The following AGTPBP1 variants were observed in gnomAD, a reference collection of about 807,000 sequenced individuals.
The protein encoded by AGTPBP1 is ATP/GTP binding carboxypeptidase 1, also known as cytosolic carboxypeptidase 1.
Under a neutral mutation model 143.9 loss-of-function variants are expected in AGTPBP1, and 70 were observed. The ratio of observed to expected loss-of-function variants is 0.49; its 90% CI spans 0.40 to 0.59. The LOEUF (loss-of-function observed/expected upper bound fraction) is 0.59. Ranked by LOEUF, AGTPBP1 falls within the 20% of genes least tolerant of loss-of-function variation. The pLI, the probability that AGTPBP1 is intolerant of heterozygous loss-of-function variation, is 0.00. For missense variants in AGTPBP1, 1,229 were observed against 1,464.5 expected, an observed-to-expected ratio of 0.84 and a Z score of 2.62; for synonymous variants, 463 against 500.2, an observed-to-expected ratio of 0.93 and a Z score of 0.99.
In AGTPBP1 at chr9:85,632,720, C is replaced by T; in HGVS notation, c.1957G>A (p.Gly653Ser). The T allele has an allele frequency of 1.9e-6, 3 of 1,613,970 alleles. No homozygotes were observed. Among genetic ancestry groups the T allele is most frequent in the Non-Finnish European group, 2.5e-6 (3 of 1,179,944 alleles). Residue 653 changes from glycine (G) to serine (S), a missense_variant, in exon 14 of 26, where the codon GGT becomes AGT. Gly to Ser is a moderately conservative substitution (Grantham distance 56). Around this residue, in one of 2 missense-constraint regions of AGTPBP1, gnomAD observed 743 missense variants for 812.2 expected, o/e 0.91. Coordinates refer to ENST00000357081, the MANE Select transcript of AGTPBP1 (RefSeq NM_001330701.2). ...TCTTTGAATGGAGGCGGAATGTGAC[C>T]AAAATAATCGGGATAAGCCACCTCT... ...YSEVAYPDYFGHIPPPFKEPI... is the reference protein window; with the variant it reads ...YSEVAYPDYFSHIPPPFKEPI...
intron 8 of AGTPBP1, among the ~76,000 whole-genome samples, chr9:85,667,371 T>C (rs1834191885): frequency 1.3e-5 from 2 of 152,072 alleles, no homozygotes; most frequent in African/African-American, 2.4e-5. Flanking sequence ...TAAAGTCAAA[T>C]CAAATAGTTC....
the AGTPBP1 span, among the ~76,000 whole-genome samples, chr9:85,748,144 C>A: frequency 2.0e-5 from 3 of 152,228 alleles, no homozygotes; most frequent in Non-Finnish European, 4.4e-5. Context: ...ACCCACTTCA[C>A]AGCTCTTGAG....
intron 8 of AGTPBP1, among the ~76,000 whole-genome samples, chr9:85,665,855 A>G (rs898303636): frequency 6.6e-6 from 1 of 152,136 alleles, no homozygotes; most frequent in Admixed American, 6.6e-5. Flanking sequence ...TCATTTGTAA[A>G]TTTTTACCAA....
chr9:85,639,502 A>C (rs903819165), intron 13 of AGTPBP1, among the ~76,000 whole-genome samples: 2 of 152,220 alleles, frequency 1.3e-5, no homozygotes, highest in Admixed American at 1.3e-4. Context: ...AAGACACAGC[A>C]CTTTAAACAT....
At chr9:85,804,597 T>A in the AGTPBP1 span, among the ~76,000 whole-genome samples, 1 of 152,230 alleles carries the variant, frequency 6.6e-6, no homozygotes, top group Non-Finnish European at 1.5e-5. Context: ...TAATATTAGT[T>A]GAATCAGGGG....
At chr9:85,624,576 A>G (rs1002793086) in intron 14 of AGTPBP1, among the ~76,000 whole-genome samples, 8 of 152,170 alleles carry the variant, frequency 5.3e-5, no homozygotes, top group African/African-American at 1.7e-4. Context: ...CTATTGCCTC[A>G]ATTCCAGAAG....
chr9:85,698,413 AC>A (rs1337060153), intron 2 of AGTPBP1, among the ~76,000 whole-genome samples: 2 of 152,180 alleles, frequency 1.3e-5, no homozygotes, highest in Non-Finnish European at 2.9e-5. Flanking sequence ...GGAAAACGGA[AC>A]AAAATTATAT....
rs1410158232 is a variant in AGTPBP1, at chr9:85,575,330, C to T, written c.3488G>A (p.Ser1163Asn). The change falls in exon 25 of 26, where the codon AGC becomes AAC. Residue 1163 changes from serine to asparagine, a missense_variant. Physicochemically the swap from Ser to Asn is conservative, Grantham distance 46. Coordinates refer to ENST00000357081, the MANE Select transcript of AGTPBP1 (RefSeq NM_001330701.2). ...LDFENDLIESSCKVTSPTTYV... is the reference protein window; with the variant it reads ...LDFENDLIESNCKVTSPTTYV... ...TTTTTCCTACCTAGTTACTTTGCAG[C>T]TTGATTCAATTAAATCATTTTCAAA... 6.3e-7 allele frequency: 1 copy of T among 1,594,656 alleles called. No homozygotes were observed. Among genetic ancestry groups the T allele is most frequent in the Admixed American group, 1.8e-5 (1 of 55,142 alleles).
intron 1 of AGTPBP1, chr9:85,741,200 G>A (rs1824239986): frequency 4.1e-6 from 4 of 984,352 alleles, no homozygotes; most frequent in Non-Finnish European, 4.8e-6. Flanking sequence ...GTAAACAGAA[G>A]ACACACTTCA....
chr9:85,655,496 T>A (rs1178603281), intron 10 of AGTPBP1, among the ~76,000 whole-genome samples, 176 bp from the exon 11 acceptor site: 1 of 152,212 alleles, frequency 6.6e-6, no homozygotes, highest in Non-Finnish European at 1.5e-5. Flanking sequence ...ATTATCTATC[T>A]GTAAGTAAGA....
In AGTPBP1 at chr9:85,586,882, G is replaced by A. The variant is rs143027240; in HGVS notation, c.2982C>T (p.Tyr994=). 1 of 1,613,980 alleles carries A rather than the reference G, an allele frequency of 6.2e-7. No individual in the cohort carries two copies. Among genetic ancestry groups the A allele is most frequent in the Non-Finnish European group, 8.5e-7 (1 of 1,179,942 alleles). Residue 994 remains tyrosine, a synonymous_variant, in exon 22 of 26, where the codon TAC becomes TAT. Transcript: ENST00000357081. ...SPSPDLHPTI[Y]HAKGLLQYLA... ...AGTATTGCAACAGCCCCTTAGCATGGTAAATTGTAGGATGTAAATCCGGAC... is the reference window on the plus strand; with the variant it reads ...AGTATTGCAACAGCCCCTTAGCATGATAAATTGTAGGATGTAAATCCGGAC...
chr9:85,619,386 A>G (rs1187957670), intron 15 of AGTPBP1, 85 bp from the exon 16 acceptor site: 1 of 931,092 alleles, frequency 1.1e-6, no homozygotes, highest in Non-Finnish European at 1.6e-6. Flanking sequence ...ATAATTAAAA[A>G]TACATCACTA....
intron 2 of AGTPBP1, among the ~76,000 whole-genome samples, chr9:85,704,544 CAGAT>C (rs2134400214): frequency 6.6e-6 from 1 of 152,268 alleles, no homozygotes; most frequent in Admixed American, 6.5e-5. Context: ...ATAATTTAGT[CAGAT>C]AGACTGAGAA....
At chr9:85,647,569 G>A (rs1832896151) in intron 11 of AGTPBP1, among the ~76,000 whole-genome samples, 1 of 152,160 alleles carries the variant, frequency 6.6e-6, no homozygotes, top group Non-Finnish European at 1.5e-5. Flanking sequence ...AAAGATAAAT[G>A]CTAATGAAGC....
At chr9:85,740,774 A>G (rs1824203668) in intron 1 of AGTPBP1, among the ~76,000 whole-genome samples, 1 of 152,242 alleles carries the variant, frequency 6.6e-6, no homozygotes, top group Non-Finnish European at 1.5e-5. Context: ...ATTGTAATTA[A>G]ACACAACTAC....
At chr9:85,619,170 A>G in intron 16 of AGTPBP1, 39 bp from the exon 17 acceptor site, 2 of 1,610,680 alleles carry the variant, frequency 1.2e-6, no homozygotes, top group South Asian at 1.1e-5. Context: ...GAAAATTAGG[A>G]AATATCTGTG....
rs1215252346 is a variant in AGTPBP1 at position 85,548,683 on chromosome 9, TTTTG to T, written c.3504-1401_3504-1398del. Among the ~76,000 whole-genome samples the T allele has an allele frequency of 7.2e-4, 108 of 150,056 alleles. 1 individual carries two copies. Among genetic ancestry groups the T allele is most frequent in the African/African-American group, 2.3e-3 (93 of 39,752 alleles). ...GGCTTTGGTTTTTTTTTGTTTTTGT[TTTTG>T]TTTTTTGAGACAGAGTCTTTCTCTG... On this transcript the variant is annotated intron_variant, in intron 25 of 25. Transcript: ENST00000357081.
intron 25 of AGTPBP1, among the ~76,000 whole-genome samples, chr9:85,556,534 C>T (rs955377136): frequency 6.6e-6 from 1 of 152,010 alleles, no homozygotes; most frequent in Non-Finnish European, 1.5e-5. Flanking sequence ...AATTAAAAGA[C>T]AAAGATGACT....
chr9:85,733,369 C>T (rs1277491299), intron 1 of AGTPBP1, among the ~76,000 whole-genome samples: 1 of 152,194 alleles, frequency 6.6e-6, no homozygotes, highest in Non-Finnish European at 1.5e-5. Context: ...AAACAACGTA[C>T]TCTTAACCAA....
Sources: allele counts gnomAD v4.1 joint callset (sites outside exome capture counted in the v4.1 genomes callset), GRCh38; gene constraint gnomAD v4.1.1; regional missense constraint gnomAD v4.1.1; transcripts MANE v1.5; gene names NCBI Gene and HGNC (gene_info 2026-07-23, HGNC 2026-07-21).